PPP1R12B: variants seen among roughly 807,000 people sequenced by gnomAD.
The protein encoded by PPP1R12B is protein phosphatase 1 regulatory subunit 12B.
Under a neutral mutation model 126.1 loss-of-function variants are expected in PPP1R12B, and 76 were observed. The observed-to-expected ratio is 0.60, with a 90% CI of 0.50 to 0.73. The LOEUF (loss-of-function observed/expected upper bound fraction) is 0.73, where lower values mean the gene tolerates loss of function less well. PPP1R12B is among the 30% of genes least tolerant of loss of function. The probability of loss-of-function intolerance (pLI) is 0.00; values close to 1 mark genes in which losing one functional copy is unlikely to be tolerated. For missense variants in PPP1R12B, 1,052 were observed against 1,205.1 expected (o/e 0.87, Z 1.88); for synonymous variants, 356 against 434.7 (o/e 0.82, Z 2.25).
chr1:202,536,830 T>C (rs1039634481), intron 18 of PPP1R12B, among the ~76,000 whole-genome samples: 2 of 152,138 alleles, frequency 1.3e-5, no homozygotes, highest in Non-Finnish European at 2.9e-5. Flanking sequence ...CACATTAGCT[T>C]AGGCCTACAC....
chr1:202,504,152 T>G (rs1464312993), intron 18 of PPP1R12B, among the ~76,000 whole-genome samples: 2 of 152,108 alleles, frequency 1.3e-5, no homozygotes, highest in African/African-American at 4.8e-5. Context: ...CCCAGCACTT[T>G]AGGAGGCCGA....
In PPP1R12B at chr1:202,359,348, C is replaced by G. The variant is rs563685068; in HGVS notation, c.291+10206C>G. On this transcript the variant is annotated intron_variant, in intron 1 of 23. Transcript: ENST00000608999. ...TTTCACATGTTGGCCAGGCTGGTCTCAAATGAACTCCTGACCTCAGGTGAT... is the reference window on the plus strand; with the variant it reads ...TTTCACATGTTGGCCAGGCTGGTCTGAAATGAACTCCTGACCTCAGGTGAT... 3.9e-5 allele frequency among the ~76,000 whole-genome samples: 6 copies of G among 151,916 alleles called. No homozygotes were observed. The East Asian group carries it at 1.2e-3, about 30-fold the overall frequency.
At chr1:202,526,838 A>G (rs1462532811) in intron 18 of PPP1R12B, among the ~76,000 whole-genome samples, 1 of 152,224 alleles carries the variant, frequency 6.6e-6, no homozygotes. Flanking sequence ...TTCCTTGTAG[A>G]TACTGCATGG....
intron 18 of PPP1R12B, among the ~76,000 whole-genome samples, chr1:202,503,781 C>G (rs1463944042): frequency 6.6e-6 from 1 of 151,406 alleles, no homozygotes; most frequent in Non-Finnish European, 1.5e-5. Context: ...TCTTATTTTA[C>G]CTTTTTTTTT....
At chr1:202,497,322 A>G (rs1183383974) in intron 18 of PPP1R12B, among the ~76,000 whole-genome samples, 1 of 152,222 alleles carries the variant, frequency 6.6e-6, no homozygotes, top group Non-Finnish European at 1.5e-5. Context: ...TCTTCCCTGC[A>G]GTGAAAGGCC....
chr1:202,496,143 T>TTTAGAGTGTACAAGTTTAGAGTAATACA (rs1679530165), intron 17 of PPP1R12B, among the ~76,000 whole-genome samples: 1 of 152,214 alleles, frequency 6.6e-6, no homozygotes, highest in Non-Finnish European at 1.5e-5. Context: ...CAAGTTCACT[T>TTTAGAGTGTACAAGTTTAGAGTAATACA]AGTTTTACTG....
At chr1:202,450,519 A>G (rs1672801562) in intron 13 of PPP1R12B, among the ~76,000 whole-genome samples, 1 of 152,246 alleles carries the variant, frequency 6.6e-6, no homozygotes, top group South Asian at 2.1e-4. Flanking sequence ...TTAAGATTAG[A>G]CCAGGTGAAA....
rs1572458692 is a variant in PPP1R12B at position 202,545,808 on chromosome 1, G to A, written c.2491-13069G>A. Among the ~76,000 whole-genome samples the A allele has an allele frequency of 2.0e-5, 3 of 152,284 alleles. No homozygotes were observed. In the East Asian group the frequency reaches 5.8e-4, roughly 29 times the overall value. On this transcript the variant is annotated intron_variant, in intron 18 of 23. Coordinates refer to ENST00000608999, the MANE Select transcript of PPP1R12B (RefSeq NM_002481.4). The stretch of plus-strand genomic sequence containing the variant: ...AAAGAAGGAAACAGTACATTACAAA[G>A]GTAGAAAAAGAATATGAGAACATAA...
intron 1 of PPP1R12B, among the ~76,000 whole-genome samples, chr1:202,364,552 ATTTT>A (rs1658791402): frequency 6.6e-6 from 1 of 151,644 alleles, no homozygotes; most frequent in Non-Finnish European, 1.5e-5. Context: ...TCATTTTTTA[ATTTT>A]TTAATTAATT....
At chr1:202,543,599 G>A (rs926878378) in intron 18 of PPP1R12B, among the ~76,000 whole-genome samples, 16 of 152,074 alleles carry the variant, frequency 1.1e-4, no homozygotes, top group African/African-American at 3.6e-4. Context: ...AACTTAGCTC[G>A]GCATGGTGGC....
chr1:202,350,951 G>A (rs189876373), intron 1 of PPP1R12B, among the ~76,000 whole-genome samples: 263 of 152,114 alleles, frequency 1.7e-3, no homozygotes, highest in Admixed American at 2.9e-3. Context: ...AGAAGAAGGG[G>A]ATGACAGCTA....
rs1394324333 is a variant in PPP1R12B, at chr1:202,495,212, A to G, written c.2146-81A>G. The G allele has an allele frequency of 6.0e-6, 8 of 1,342,866 alleles. No individual in the cohort carries two copies. In the Admixed American group the frequency reaches 2.0e-4, roughly 34 times the overall value. The allele number at this position is 1,342,866 out of a possible 1,614,324, so 83.2% of individuals were successfully genotyped here. A position where few individuals can be genotyped will look rare whatever the true frequency, so the allele number is the denominator to read the frequency against. On this transcript the variant is annotated intron_variant, in intron 15 of 23. Transcript: ENST00000608999. Reference sequence around the variant, plus strand: ...ACTCATAAGCCCCTTAATATAGAAAAAAACATTTTGTATAAACCTGCTGTC... The same window carrying G: ...ACTCATAAGCCCCTTAATATAGAAAGAAACATTTTGTATAAACCTGCTGTC...
intron 1 of PPP1R12B, among the ~76,000 whole-genome samples, chr1:202,414,806 G>A (rs1571902383): frequency 6.6e-6 from 1 of 151,902 alleles, no homozygotes; most frequent in Non-Finnish European, 1.5e-5. Flanking sequence ...TTTTGTTTTC[G>A]AGACATGGTC....
At chr1:202,353,948 A>G (rs922803090) in intron 1 of PPP1R12B, among the ~76,000 whole-genome samples, 2 of 151,938 alleles carry the variant, frequency 1.3e-5, no homozygotes, top group African/African-American at 4.8e-5. Flanking sequence ...GAATAACTGT[A>G]TATCACCATT....
chr1:202,511,823 C>A (rs2148896002), intron 18 of PPP1R12B, among the ~76,000 whole-genome samples: 1 of 134,454 alleles, frequency 7.4e-6, no homozygotes, highest in Middle Eastern at 5.4e-3. Flanking sequence ...GTTGGCCAGG[C>A]TGGAGTGCAA....
At chr1:202,398,968 C>T (rs1306215664) in intron 1 of PPP1R12B, among the ~76,000 whole-genome samples, 1 of 152,038 alleles carries the variant, frequency 6.6e-6, no homozygotes, top group Non-Finnish European at 1.5e-5. Flanking sequence ...TCCTTTTCCC[C>T]TCACTACTAA....
chr1:202,537,068 G>T (rs984474104), intron 18 of PPP1R12B, among the ~76,000 whole-genome samples: 1 of 152,212 alleles, frequency 6.6e-6, no homozygotes, highest in Non-Finnish European at 1.5e-5. Flanking sequence ...ACCAGGTTAG[G>T]CCGGGCATAG....
chr1:202,461,973 T>C (rs1426836076), intron 13 of PPP1R12B, among the ~76,000 whole-genome samples: 1 of 152,168 alleles, frequency 6.6e-6, no homozygotes, highest in Non-Finnish European at 1.5e-5. Flanking sequence ...TATTAGTAAT[T>C]CCCTCCCACA....
At chr1:202,495,914 T>C (rs1679499014) in intron 17 of PPP1R12B, among the ~76,000 whole-genome samples, 1 of 152,166 alleles carries the variant, frequency 6.6e-6, no homozygotes, top group South Asian at 2.1e-4. Context: ...ACTCAGTAAA[T>C]AATTGGCAAA....
Sources: gnomAD v4.1 joint callset for allele counts (sites outside exome capture counted in the v4.1 genomes callset) on GRCh38, gnomAD v4.1.1 for gene constraint, MANE v1.5 for transcripts, NCBI Gene and HGNC (gene_info 2026-07-23, HGNC 2026-07-21) for gene names.